EEPD1: variants seen among roughly 807,000 people sequenced by gnomAD.
The protein encoded by EEPD1 is endonuclease/exonuclease/phosphatase family domain-containing protein 1.
Under a neutral mutation model 46.3 loss-of-function variants are expected in EEPD1, and 17 were observed. The observed-to-expected ratio is 0.37, with a 90% CI of 0.25 to 0.55. The LOEUF (loss-of-function observed/expected upper bound fraction) is 0.55. Ranked by LOEUF, EEPD1 falls within the 20% of genes least tolerant of loss-of-function variation. EEPD1 has a pLI of 0.83. For synonymous variants in EEPD1, 313 were observed against 315.6 expected (o/e 0.99, Z 0.09); for missense variants, 673 against 745.6 (o/e 0.90, Z 1.13).
intron 3 of EEPD1, among the ~76,000 whole-genome samples, chr7:36,272,398 C>T (rs1787122537): frequency 6.6e-6 from 1 of 152,170 alleles, no homozygotes; most frequent in South Asian, 2.1e-4. Context: ...GCACCCCACA[C>T]AGCTCCTCCC....
chr7:36,279,640 A>T (rs751208986), intron 3 of EEPD1, among the ~76,000 whole-genome samples: 118 of 152,190 alleles, frequency 7.8e-4, no homozygotes, highest in Non-Finnish European at 1.4e-3. Flanking sequence ...CACCGCCAGG[A>T]TCTGGGGCAG....
At chr7:36,182,416 C>T (rs918640603) in intron 2 of EEPD1, among the ~76,000 whole-genome samples, 1 of 152,174 alleles carries the variant, frequency 6.6e-6, no homozygotes, top group African/African-American at 2.4e-5. Flanking sequence ...AGTGTGGGAA[C>T]CGGATTTCTC....
chr7:36,226,621 G>A (rs1786236042), intron 2 of EEPD1, among the ~76,000 whole-genome samples: 1 of 152,120 alleles, frequency 6.6e-6, no homozygotes, highest in Non-Finnish European at 1.5e-5. Flanking sequence ...TACTAATCAG[G>A]AAATAAATAC....
intron 2 of EEPD1, among the ~76,000 whole-genome samples, chr7:36,166,949 A>G (rs1333399954): frequency 4.6e-5 from 7 of 152,092 alleles, no homozygotes; most frequent in Non-Finnish European, 1.0e-4. Context: ...AACCACAGAA[A>G]TGATTGTCTC....
chr7:36,251,829 G>T (rs1019683368), intron 3 of EEPD1, among the ~76,000 whole-genome samples: 3 of 152,084 alleles, frequency 2.0e-5, no homozygotes, highest in Admixed American at 2.0e-4. Flanking sequence ...ATTTTATGTA[G>T]AATTTAAAAT....
chr7:36,284,662 A>T, intron 4 of EEPD1, 24 bp from the exon 5 acceptor site: 7 of 1,603,946 alleles, frequency 4.4e-6, no homozygotes, highest in South Asian at 1.1e-5. Flanking sequence ...TGGCACCAAG[A>T]CTCTGTCTCC....
chr7:36,296,614 T>C (rs144851246), intron 6 of EEPD1, among the ~76,000 whole-genome samples: 5 of 152,284 alleles, frequency 3.3e-5, no homozygotes, highest in Middle Eastern at 3.4e-3. Context: ...TTGCATTTTA[T>C]TCATCTCTGG....
chr7:36,171,553 C>T (rs1583785419), intron 2 of EEPD1, among the ~76,000 whole-genome samples: 1 of 152,200 alleles, frequency 6.6e-6, no homozygotes, highest in African/African-American at 2.4e-5. Flanking sequence ...CTCACATCTC[C>T]ATGGATTTGT....
intron 3 of EEPD1, among the ~76,000 whole-genome samples, chr7:36,256,954 G>C (rs1273999139): frequency 6.6e-6 from 1 of 152,174 alleles, no homozygotes; most frequent in African/African-American, 2.4e-5. Flanking sequence ...GCAGTGGCTG[G>C]TAATGGTTTT....
intron 2 of EEPD1, among the ~76,000 whole-genome samples, chr7:36,235,854 G>T (rs1341213634): frequency 6.6e-6 from 1 of 151,452 alleles, no homozygotes; most frequent in African/African-American, 2.4e-5. Context: ...TAAGTGTAGA[G>T]TTCAGTGGCA....
intron 3 of EEPD1, among the ~76,000 whole-genome samples, chr7:36,256,712 G>T (rs1786833543): frequency 6.6e-6 from 1 of 151,898 alleles, no homozygotes. Context: ...GAGCCTATGT[G>T]TGTCCTTGCA....
intron 2 of EEPD1, among the ~76,000 whole-genome samples, chr7:36,235,202 G>C (rs911733033): frequency 5.3e-5 from 8 of 149,538 alleles, no homozygotes; most frequent in Admixed American, 5.3e-4. Flanking sequence ...CTCCAGCCCA[G>C]GCCTTCCCCA....
chr7:36,201,383 G>C (rs1785710076), intron 2 of EEPD1, among the ~76,000 whole-genome samples: 1 of 152,214 alleles, frequency 6.6e-6, no homozygotes, highest in Non-Finnish European at 1.5e-5. Flanking sequence ...TTTGGGAGAA[G>C]CTGGGTGAAG....
rs955661316 is a variant in EEPD1 at position 36,225,398 on chromosome 7, G to A, written c.879-13587G>A. Among the ~76,000 whole-genome samples the A allele has an allele frequency of 1.3e-5, 2 of 152,118 alleles. No individual in the cohort carries two copies. Among genetic ancestry groups the A allele is most frequent in the African/African-American group, 2.4e-5 (1 of 41,406 alleles). ...TGGTGATTATTGAAATCAGTGATCC[G>A]TCATCCAAACTGTGATGGAAGGAAA... On this transcript the variant is annotated intron_variant, in intron 2 of 7. Coordinates refer to ENST00000242108, the MANE Select transcript of EEPD1 (RefSeq NM_030636.3). The surrounding 1 kb of genome is among the most constrained non-coding windows in gnomAD (Gnocchi z 4.2).
At chr7:36,196,493 G>T (rs1785589374) in intron 2 of EEPD1, among the ~76,000 whole-genome samples, 1 of 152,068 alleles carries the variant, frequency 6.6e-6, no homozygotes, top group African/African-American at 2.4e-5. Flanking sequence ...TGCCATCTTG[G>T]CTCGCTGCAG....
chr7:36,284,964 C>G, intron 5 of EEPD1, 144 bp downstream of exon 5: 1 of 1,177,900 alleles, frequency 8.5e-7, no homozygotes, highest in Non-Finnish European at 1.1e-6. Context: ...ATTTTTGTCT[C>G]TCCTGGGGCT....
chr7:36,276,413 G>A (rs1418814893), intron 3 of EEPD1, among the ~76,000 whole-genome samples: 2 of 152,142 alleles, frequency 1.3e-5, no homozygotes, highest in African/African-American at 4.8e-5. Context: ...CTGATTCTGG[G>A]AAACTGGGAT....
chr7:36,163,037 CA>C (rs1166348087), intron 2 of EEPD1, among the ~76,000 whole-genome samples: 3 of 152,026 alleles, frequency 2.0e-5, no homozygotes, highest in Non-Finnish European at 4.4e-5. Context: ...AATATCTATC[CA>C]ATATCCTGTT....
chr7:36,241,064 C>A (rs1278865477), intron 3 of EEPD1, among the ~76,000 whole-genome samples: 4 of 152,192 alleles, frequency 2.6e-5, no homozygotes, highest in Admixed American at 2.6e-4. Flanking sequence ...ATTGATCCTT[C>A]TGTGTAAAGG....
Sources: gnomAD v4.1 joint callset for allele counts (sites outside exome capture counted in the v4.1 genomes callset) on GRCh38, gnomAD v4.1.1 for gene constraint, Gnocchi (gnomAD v3.1) non-coding constraint, MANE v1.5 for transcripts, NCBI Gene and HGNC (gene_info 2026-07-23, HGNC 2026-07-21) for gene names.